Variants in TMEM184C observed in about 807,000 individuals in gnomAD.
TMEM184C encodes the protein transmembrane protein 34.
TMEM184C carries 25 observed loss-of-function variants against 54.5 expected under a neutral mutation model. That is an observed-to-expected ratio of 0.46 (90% CI 0.33 to 0.64). The LOEUF (loss-of-function observed/expected upper bound fraction) is 0.64. Among genes scored for constraint, TMEM184C ranks in the 30% least tolerant of loss-of-function variants. The pLI is 0.02. For synonymous variants in TMEM184C, 148 were observed against 181.5 expected (o/e 0.82, Z 1.49); for missense variants, 335 against 520.3 (o/e 0.64, Z 3.46).
Position 147,629,672 on chromosome 4 carries a change from A to C in TMEM184C, c.646A>C (p.Ile216Leu). The change falls in exon 6 of 10, where the codon ATA becomes CTA. Residue 216 changes from isoleucine to leucine, a missense_variant. Ile to Leu is a conservative substitution (Grantham distance 5, BLOSUM62 2). Transcript: ENST00000296582. ...AAATGCTTGGACTTATTTGGTTATA[A>C]TAAACAACATGTCACAGTTGGTAAG... ...FSNAWTYLVI[I>L]NNMSQLFAMY... 6.3e-7 allele frequency: 1 copy of C among 1,588,188 alleles called. No individual in the cohort carries two copies. The highest frequency in any genetic ancestry group is 8.5e-7 in the Non-Finnish European group (1 of 1,169,608).
At chr4:147,621,978 TTTTTTTCTTTC>T (rs1166293404) in intron 1 of TMEM184C, among the ~76,000 whole-genome samples, 3 of 121,826 alleles carry the variant, frequency 2.5e-5, no homozygotes, top group African/African-American at 8.8e-5. Context: ...CTTTTTTTTC[TTTTTTTCTTTC>T]TTTTTTTTTT....
At chr4:147,631,559 G>A (rs577286806) in intron 7 of TMEM184C, 54 bp downstream of exon 7, 67 of 1,304,720 alleles carry the variant, frequency 5.1e-5, no homozygotes, top group Non-Finnish European at 6.7e-5. Context: ...AGTAAAAACC[G>A]TTGATTAAGG....
chr4:147,619,841 C>T (rs1732674512), intron 1 of TMEM184C, among the ~76,000 whole-genome samples: 1 of 152,194 alleles, frequency 6.6e-6, no homozygotes, highest in African/African-American at 2.4e-5. Context: ...CTCAACACAC[C>T]AGCCAGAGTA....
At chr4:147,618,195 C>A in intron 1 of TMEM184C, 116 bp downstream of exon 1, 1 of 1,432,604 alleles carries the variant, frequency 7.0e-7, no homozygotes, top group East Asian at 2.3e-5. Context: ...CTAATGTAAA[C>A]GAGCCTACTC....
chr4:147,631,670 ATAAT>A (rs1470450597), intron 7 of TMEM184C, among the ~76,000 whole-genome samples, 165 bp downstream of exon 7: 12 of 152,220 alleles, frequency 7.9e-5, no homozygotes, highest in African/African-American at 2.9e-4. Flanking sequence ...TTCAAAAGAA[ATAAT>A]TAGATGGTCG....
chr4:147,625,180 T>C (rs1017082817), intron 4 of TMEM184C, among the ~76,000 whole-genome samples, 171 bp downstream of exon 4: 1 of 152,222 alleles, frequency 6.6e-6, no homozygotes, highest in African/African-American at 2.4e-5. Context: ...CAAAACAGTT[T>C]TGTAATCCCA....
intron 6 of TMEM184C, 62 bp from the exon 7 acceptor site, chr4:147,631,331 C>A: frequency 7.7e-7 from 1 of 1,293,550 alleles, no homozygotes; most frequent in Non-Finnish European, 1.1e-6. Context: ...TGGTATGTAA[C>A]TTTAATATTT....
At position 147,635,813 on chromosome 4, in the gene TMEM184C, A is replaced by C. The variant is rs1733025717; in HGVS notation, c.*1379A>C. 6.6e-6 allele frequency: 1 copy of C among 152,216 alleles called. No individual in the cohort carries two copies. Among genetic ancestry groups the C allele is most frequent in the South Asian group, 2.1e-4 (1 of 4,830 alleles). 9.4% of individuals were successfully genotyped at this position (152,216 alleles called of 1,614,324 possible). A position where few individuals can be genotyped will look rare whatever the true frequency, so the allele number is the denominator to read the frequency against. On this transcript the variant is annotated 3_prime_UTR_variant, in exon 10 of 10. Coordinates refer to ENST00000296582, the MANE Select transcript of TMEM184C (RefSeq NM_018241.3). ...TAAAGTTGCAGAATACAAAATCAAC[A>C]TACAAAAAGCATTAGCATTTTTATA...
intron 8 of TMEM184C, 139 bp from the exon 9 acceptor site, chr4:147,633,626 G>C: frequency 1.4e-6 from 1 of 725,064 alleles, no homozygotes; most frequent in Non-Finnish European, 2.0e-6. Flanking sequence ...TTTAGAAAAT[G>C]GAAAAATGAA....
intron 7 of TMEM184C, among the ~76,000 whole-genome samples, chr4:147,632,117 G>A (rs1732927672): frequency 6.8e-6 from 1 of 146,224 alleles, no homozygotes; most frequent in Non-Finnish European, 1.5e-5. Context: ...AGGTTGCGGT[G>A]AGCCAAAATC....
chr4:147,628,465 T>C, intron 5 of TMEM184C, 30 bp downstream of exon 5: 1 of 1,580,816 alleles, frequency 6.3e-7, no homozygotes. Context: ...ATGAACTTTT[T>C]TTTTCATCCT....
intron 1 of TMEM184C, among the ~76,000 whole-genome samples, chr4:147,621,077 C>T (rs1005961971): frequency 1.3e-5 from 2 of 152,184 alleles, no homozygotes; most frequent in Non-Finnish European, 2.9e-5. Context: ...GGGTGACCAT[C>T]TGCACTGTTT....
At chr4:147,619,446 C>T (rs772171070) in intron 1 of TMEM184C, among the ~76,000 whole-genome samples, 12 of 152,104 alleles carry the variant, frequency 7.9e-5, no homozygotes, top group African/African-American at 1.2e-4. Context: ...CCACCCACCT[C>T]GGCTTCCCAA....
rs993817099 is a variant in TMEM184C, at chr4:147,629,592, T to C, written c.573-7T>C. On this transcript the variant is annotated splice_polypyrimidine_tract_variant and splice_region_variant and intron_variant, in intron 5 of 9. Transcript: ENST00000296582. The stretch of plus-strand genomic sequence containing the variant: ...AATCAGAGATATCTCATTTTTACTA[T>C]TTTTAGAATCTGTGAGCTGCTTGGT... The C allele has an allele frequency of 1.9e-6, 3 of 1,585,756 alleles. No individual in the cohort carries two copies. The African/African-American group carries it at 4.1e-5, about 22-fold the overall frequency.
chr4:147,632,486 T>G (rs1315206265), intron 7 of TMEM184C: 2 of 155,666 alleles, frequency 1.3e-5, no homozygotes, highest in Admixed American at 1.3e-4. Context: ...TTATTTTTAT[T>G]TTGCTTAGTA....
chr4:147,617,992 G>A lies in TMEM184C; in HGVS notation c.36G>A (p.Gln12=). Residue 12 remains glutamine, a synonymous_variant, in exon 1 of 10, where the codon CAG becomes CAA. Coordinates refer to ENST00000296582, the MANE Select transcript of TMEM184C (RefSeq NM_018241.3). ...CTTGTACCTGGAGGAACTGGAGACA[G>A]TGGATTCGACCTTTAGTAGCGGTCA... is the stretch of plus-strand genomic sequence containing the variant. ...PCTCTWRNWR[Q]WIRPLVAVIY... The A allele has an allele frequency of 6.2e-7, 1 of 1,614,178 alleles. No individual in the cohort carries two copies. Among genetic ancestry groups the A allele is most frequent in the Non-Finnish European group, 8.5e-7 (1 of 1,180,026 alleles).
intron 3 of TMEM184C, among the ~76,000 whole-genome samples, chr4:147,624,567 CATT>C (rs1356710588): frequency 6.6e-6 from 1 of 152,076 alleles, no homozygotes; most frequent in Non-Finnish European, 1.5e-5. Context: ...TCTCTTTATT[CATT>C]ATTTACCCCT....
rs751309712 is a variant in TMEM184C at position 147,628,417 on chromosome 4, T to G, written c.554T>G (p.Phe185Cys). ...TTACAGTACACAGTTGTCAGACCTT[T>G]CACCACCATCGTTGCTTTGTAAGTA... ...GVLQYTVVRP[F>C]TTIVALICEL... Residue 185 changes from phenylalanine to cysteine, a missense_variant, in exon 5 of 10, where the codon TTC becomes TGC. Transcript: ENST00000296582. 1.2e-6 allele frequency: 2 copies of G among 1,613,892 alleles called. No homozygotes were observed. The highest frequency in any genetic ancestry group is 2.2e-5 in the South Asian group (2 of 90,990).
chr4:147,621,370 G>C (rs1312510963), intron 1 of TMEM184C, among the ~76,000 whole-genome samples: 1 of 151,822 alleles, frequency 6.6e-6, no homozygotes, highest in Non-Finnish European at 1.5e-5. Flanking sequence ...CTTTCCTAAA[G>C]TTACCCATGA....
Sources: gnomAD v4.1 joint callset for allele counts (sites outside exome capture counted in the v4.1 genomes callset) on GRCh38, gnomAD v4.1.1 for gene constraint, MANE v1.5 for transcripts, NCBI Gene and HGNC (gene_info 2026-07-23, HGNC 2026-07-21) for gene names.